HPSE2: variants seen among roughly 807,000 people sequenced by gnomAD.
HPSE2 encodes heparanase 2 (inactive).
A neutral mutation model predicts 60.5 loss-of-function variants in HPSE2; 38 were observed. The ratio of observed to expected loss-of-function variants is 0.63; its 90% CI spans 0.48 to 0.82. The LOEUF (loss-of-function observed/expected upper bound fraction) is 0.82, where lower values mean the gene tolerates loss of function less well. Among genes scored for constraint, HPSE2 ranks in the 40% least tolerant of loss-of-function variants. The pLI is 0.00. For synonymous variants in HPSE2, 295 were observed against 293.2 expected, an observed-to-expected ratio of 1.01 and a Z score of -0.06; for missense variants, 713 against 740.4, an observed-to-expected ratio of 0.96 and a Z score of 0.43.
At chr10:98,854,621 T>G (rs374008792) in intron 3 of HPSE2, among the ~76,000 whole-genome samples, 3 of 152,132 alleles carry the variant, frequency 2.0e-5, no homozygotes, top group African/African-American at 4.8e-5. Flanking sequence ...ATATGAATAA[T>G]AGATAAAACT....
At chr10:98,832,778 G>A (rs747563721) in intron 3 of HPSE2, among the ~76,000 whole-genome samples, 2 of 152,164 alleles carry the variant, frequency 1.3e-5, no homozygotes, top group African/African-American at 4.8e-5. Flanking sequence ...GTGTATATTA[G>A]GTGGTAAGAA....
At chr10:98,778,623 T>C (rs1352028232) in intron 3 of HPSE2, among the ~76,000 whole-genome samples, 1 of 152,100 alleles carries the variant, frequency 6.6e-6, no homozygotes, top group Non-Finnish European at 1.5e-5. Flanking sequence ...CTGCTTCTGG[T>C]ATAAGGAAGT....
intron 3 of HPSE2, among the ~76,000 whole-genome samples, chr10:98,960,615 C>A (rs2135229885): frequency 6.6e-6 from 1 of 150,492 alleles, no homozygotes; most frequent in Admixed American, 6.6e-5. Context: ...CTAATCTATC[C>A]CTCCTCTATA....
intron 3 of HPSE2, among the ~76,000 whole-genome samples, chr10:98,788,789 C>A (rs572499380): frequency 1.1e-4 from 17 of 151,126 alleles, no homozygotes; most frequent in Non-Finnish European, 1.8e-4. Flanking sequence ...GGCAATGCCT[C>A]GCCCTGCTTC....
intron 3 of HPSE2, among the ~76,000 whole-genome samples, chr10:99,016,637 C>T (rs1016702250): frequency 2.0e-5 from 3 of 152,114 alleles, no homozygotes; most frequent in Non-Finnish European, 4.4e-5. Flanking sequence ...GCCATTTTAA[C>T]CATATTGATT....
At chr10:98,695,229 G>A (rs1043951650) in intron 5 of HPSE2, among the ~76,000 whole-genome samples, 1 of 152,106 alleles carries the variant, frequency 6.6e-6, no homozygotes, top group African/African-American at 2.4e-5. Context: ...GACAGGATGG[G>A]TCTGAGAAAG....
intron 9 of HPSE2, among the ~76,000 whole-genome samples, chr10:98,578,144 G>C (rs1944692299): frequency 1.3e-5 from 2 of 152,272 alleles, no homozygotes; most frequent in Middle Eastern, 3.4e-3. Context: ...TTCTTGTCCA[G>C]CATCCTTTGG....
At chr10:99,073,939 GTTTTTTTTT>G (rs34409713) in intron 3 of HPSE2, among the ~76,000 whole-genome samples, 1 of 127,908 alleles carries the variant, frequency 7.8e-6, no homozygotes. Flanking sequence ...AGTTCCAAAA[GTTTTTTTTT>G]TTTTTTTTTG....
intron 3 of HPSE2, among the ~76,000 whole-genome samples, chr10:98,773,203 T>A (rs2134426722): frequency 6.6e-6 from 1 of 152,326 alleles, no homozygotes; most frequent in East Asian, 1.9e-4. Context: ...ACTACTTTTG[T>A]ACACAACATT....
At chr10:98,645,016 G>C (rs1946731418) in intron 6 of HPSE2, among the ~76,000 whole-genome samples, 1 of 152,058 alleles carries the variant, frequency 6.6e-6, no homozygotes, top group African/African-American at 2.4e-5. Context: ...ATAAGGGAGG[G>C]AACAAGAAAA....
intron 3 of HPSE2, among the ~76,000 whole-genome samples, chr10:98,830,853 T>A (rs1951667739): frequency 6.6e-6 from 1 of 152,208 alleles, no homozygotes; most frequent in African/African-American, 2.4e-5. Flanking sequence ...ATAATGGAGA[T>A]GAAATTCAAT....
At chr10:98,767,439 A>G (rs1950144596) in intron 3 of HPSE2, among the ~76,000 whole-genome samples, 1 of 151,272 alleles carries the variant, frequency 6.6e-6, no homozygotes, top group Non-Finnish European at 1.5e-5. Flanking sequence ...ACAAAATAGT[A>G]CTATACAATT....
intron 3 of HPSE2, among the ~76,000 whole-genome samples, chr10:98,990,668 C>G (rs1005340106): frequency 1.3e-5 from 2 of 152,208 alleles, no homozygotes; most frequent in East Asian, 3.8e-4. Context: ...TCAAATGAGT[C>G]TTCCATCTCT....
At chr10:98,881,854 A>G (rs1316738608) in intron 3 of HPSE2, among the ~76,000 whole-genome samples, 1 of 151,542 alleles carries the variant, frequency 6.6e-6, no homozygotes, top group Non-Finnish European at 1.5e-5. Flanking sequence ...TGTAGATTAC[A>G]TTATTTTTTA....
At chr10:99,239,418 GTTTTTTTTTTTTTTTT>G (rs760549054), upstream of HPSE2, among the ~76,000 whole-genome samples, 1 of 100,404 alleles carries the variant, frequency 1.0e-5, no homozygotes, top group African/African-American at 4.1e-5. Context: ...GTTTGTCAAG[GTTTTTTTTTTTTTTTT>G]TTTTTTTTTT....
intron 3 of HPSE2, among the ~76,000 whole-genome samples, chr10:98,920,032 T>TA (rs1353283262): frequency 1.3e-5 from 2 of 152,212 alleles, no homozygotes; most frequent in Non-Finnish European, 2.9e-5. Flanking sequence ...AGCTGTCTGA[T>TA]AGTCTCCAGC....
In HPSE2 at chr10:98,971,667, A is replaced by C. The variant is rs569625497; in HGVS notation, c.610+172571T>G. Reference sequence around the variant, plus strand: ...GTTGCATAACATTCCTTGTTGTGCAATCATTACATTTTATCTATGCATTCT... The same window carrying C: ...GTTGCATAACATTCCTTGTTGTGCACTCATTACATTTTATCTATGCATTCT... On this transcript the variant is annotated intron_variant, in intron 3 of 11. Coordinates refer to ENST00000370552, the MANE Select transcript of HPSE2 (RefSeq NM_021828.5). 7.9e-4 allele frequency among the ~76,000 whole-genome samples: 120 copies of C among 152,288 alleles called. No individual in the cohort carries two copies. The Middle Eastern group carries it at 0.01, about 13-fold the overall frequency.
intron 7 of HPSE2, among the ~76,000 whole-genome samples, chr10:98,627,795 A>G (rs610603): frequency 0.24 from 36,426 of 152,228 alleles, 4,547 homozygotes; most frequent in Admixed American, 0.32. Flanking sequence ...CAAGGCACAT[A>G]AGCTTGTGTT....
At chr10:99,107,783 A>T (rs1458760408) in intron 3 of HPSE2, among the ~76,000 whole-genome samples, 1 of 152,206 alleles carries the variant, frequency 6.6e-6, no homozygotes, top group Non-Finnish European at 1.5e-5. Flanking sequence ...CTAGATGAAC[A>T]TTCAACAAGT....
Sources: allele counts gnomAD v4.1 joint callset (sites outside exome capture counted in the v4.1 genomes callset), GRCh38; gene constraint gnomAD v4.1.1; transcripts MANE v1.5; gene names NCBI Gene and HGNC (gene_info 2026-07-23, HGNC 2026-07-21).